The following TLN2 variants were observed in gnomAD, a reference collection of about 807,000 sequenced individuals.
TLN2 encodes talin 2, also known as talin-2.
In TLN2, 118 loss-of-function variants were observed where a neutral mutation model predicts 294.7. That is an observed-to-expected ratio of 0.40 (90% CI 0.34 to 0.47). The LOEUF (loss-of-function observed/expected upper bound fraction) is 0.47. Ranked by LOEUF, TLN2 falls within the 20% of genes least tolerant of loss-of-function variation. The probability of loss-of-function intolerance (pLI) is 0.84; values close to 1 mark genes in which losing one functional copy is unlikely to be tolerated. For synonymous variants in TLN2, 1,431 were observed against 1,304.5 expected, an observed-to-expected ratio of 1.10 and a Z score of -2.09; for missense variants, 3,083 against 3,282.2, an observed-to-expected ratio of 0.94 and a Z score of 1.48.
At chr15:62,437,794 T>C (rs572227160) in intron 1 of TLN2, among the ~76,000 whole-genome samples, 60 of 152,086 alleles carry the variant, frequency 3.9e-4, no homozygotes, top group Non-Finnish European at 7.2e-4. Context: ...TGTCTGCCAA[T>C]TGGTGCAGTG....
At chr15:62,711,550 G>A (rs944852810) in intron 21 of TLN2, among the ~76,000 whole-genome samples, 9 of 152,230 alleles carry the variant, frequency 5.9e-5, no homozygotes, top group Non-Finnish European at 1.5e-5. Flanking sequence ...TTTTGTGTAA[G>A]TGGTTTTCAA....
intron 41 of TLN2, among the ~76,000 whole-genome samples, chr15:62,767,348 G>GT (rs71431453): frequency 0.099 from 12,080 of 121,534 alleles, 633 homozygotes; most frequent in Non-Finnish European, 0.14. Context: ...TCTTTTCTTT[G>GT]TTTTTTTTTT....
At chr15:62,644,132 A>C (rs1351212143) in intron 3 of TLN2, among the ~76,000 whole-genome samples, 23 of 151,210 alleles carry the variant, frequency 1.5e-4, no homozygotes, top group Admixed American at 1.4e-3. Flanking sequence ...TGAACCTGCT[A>C]CTCCAGGCTC....
Position 62,761,774 on chromosome 15 carries a change from G to A in TLN2, c.4732G>A (p.Ala1578Thr), listed in dbSNP as rs775085331. ...IEAVENLTAF[A>T]SNPEFVSIPA... Reference sequence around the variant, plus strand: ...AGCTGTGGAGAACCTGACAGCGTTCGCCTCAAACCCTGAGTTTGTCAGCAT... The same window carrying A: ...AGCTGTGGAGAACCTGACAGCGTTCACCTCAAACCCTGAGTTTGTCAGCAT... The change falls in exon 38 of 59, where the codon GCC becomes ACC. Residue 1578 changes from alanine to threonine, a missense_variant. Coordinates refer to ENST00000636159, the MANE Select transcript of TLN2 (RefSeq NM_015059.3). The A allele has an allele frequency of 1.1e-5, 18 of 1,614,106 alleles. No individual in the cohort carries two copies. The highest frequency in any genetic ancestry group is 2.2e-5 in the East Asian group (1 of 44,874).
At chr15:62,395,600 A>G (rs1328587047) in intron 1 of TLN2, among the ~76,000 whole-genome samples, 2 of 152,168 alleles carry the variant, frequency 1.3e-5, no homozygotes, top group East Asian at 3.9e-4. Context: ...CTTGTTTTAC[A>G]TTAGGAAAAA....
At chr15:62,430,710 C>T (rs977912610) in intron 1 of TLN2, among the ~76,000 whole-genome samples, 25 of 152,002 alleles carry the variant, frequency 1.6e-4, no homozygotes, top group African/African-American at 5.6e-4. Flanking sequence ...AACCCCATGT[C>T]GATCATGAGT....
chr15:62,461,353 G>C (rs981575711), intron 1 of TLN2, among the ~76,000 whole-genome samples: 15 of 152,140 alleles, frequency 9.9e-5, no homozygotes, highest in African/African-American at 3.6e-4. Flanking sequence ...CTTCGTGTGA[G>C]TTGTGGGTCT....
chr15:62,489,876 C>T (rs895069042), intron 1 of TLN2, among the ~76,000 whole-genome samples: 1 of 152,212 alleles, frequency 6.6e-6, no homozygotes, highest in Non-Finnish European at 1.5e-5. Flanking sequence ...ATGTGAGTAC[C>T]CCATGTTGGA....
At chr15:62,409,790 A>C (rs910537195) in intron 1 of TLN2, among the ~76,000 whole-genome samples, 1 of 152,180 alleles carries the variant, frequency 6.6e-6, no homozygotes, top group African/African-American at 2.4e-5. Context: ...ATACTTTATT[A>C]ATAGAAGAGA....
intron 50 of TLN2, among the ~76,000 whole-genome samples, chr15:62,803,482 G>A (rs1054721202): frequency 2.6e-5 from 4 of 151,940 alleles, no homozygotes; most frequent in Admixed American, 6.6e-5. Flanking sequence ...AGATCCTGTA[G>A]GCATGCTTCA....
intron 32 of TLN2, among the ~76,000 whole-genome samples, chr15:62,746,644 A>C (rs1170281795): frequency 1.3e-5 from 2 of 152,230 alleles, no homozygotes; most frequent in East Asian, 3.8e-4. Flanking sequence ...TGCAAAGCCA[A>C]TTTAACTAAT....
At chr15:62,773,689 T>TA (rs2063501919) in intron 42 of TLN2, among the ~76,000 whole-genome samples, 1 of 152,178 alleles carries the variant, frequency 6.6e-6, no homozygotes, top group East Asian at 1.9e-4. Flanking sequence ...GTAGCTTTGA[T>TA]ACGGTGAAAA....
chr15:62,442,700 C>T (rs942411728), intron 1 of TLN2, among the ~76,000 whole-genome samples: 1 of 151,768 alleles, frequency 6.6e-6, no homozygotes, highest in Non-Finnish European at 1.5e-5. Context: ...ATTTTAATAC[C>T]CAACCTTCAA....
chr15:62,556,346 A>T (rs768717522), intron 1 of TLN2, among the ~76,000 whole-genome samples: 1 of 149,794 alleles, frequency 6.7e-6, no homozygotes, highest in Non-Finnish European at 1.5e-5. Flanking sequence ...TCACTTTGTC[A>T]TCCAGGCTGG....
At chr15:62,814,583 T>C (rs564852303) in intron 52 of TLN2, among the ~76,000 whole-genome samples, 1 of 152,380 alleles carries the variant, frequency 6.6e-6, no homozygotes, top group South Asian at 2.1e-4. Flanking sequence ...TGTATTCATT[T>C]ATTTGTTCAT....
rs958271071 is a variant in TLN2, at chr15:62,475,280, C to G, written c.-238+84595C>G. Among the ~76,000 whole-genome samples, 9 of 152,190 alleles carry G rather than the reference C, an allele frequency of 5.9e-5. No individual in the cohort carries two copies. The South Asian group carries it at 1.0e-3, about 18-fold the overall frequency. On this transcript the variant is annotated intron_variant, in intron 1 of 58. Transcript: ENST00000636159. ...CCGACTTAATGGGGACATTAATTTT[C>G]AGTTCTGTTCCAAAAGTGTAACAGA...
rs114698786 is a variant in TLN2 at position 62,715,681 on chromosome 15, C to G, written c.2635-650C>G. On this transcript the variant is annotated intron_variant, in intron 22 of 58. Transcript: ENST00000636159. ...GCATATTGCCTTCCTCTTTTTCTGT[C>G]AGGTGGACGGCATTACATTTCTCTC... is the stretch of plus-strand genomic sequence containing the variant. 2.7e-3 allele frequency among the ~76,000 whole-genome samples: 418 copies of G among 152,294 alleles called. 2 individuals are homozygous for G. The highest frequency in any genetic ancestry group is 9.7e-3 in the African/African-American group (404 of 41,568).
intron 36 of TLN2, 57 bp from the exon 37 acceptor site, chr15:62,755,475 G>T (rs1348055592): frequency 1.8e-5 from 28 of 1,576,316 alleles, no homozygotes; most frequent in Admixed American, 1.4e-4. Context: ...GAGGACCGGG[G>T]TGGACCCCTC....
chr15:62,558,122 C>T (rs915678702), intron 1 of TLN2, among the ~76,000 whole-genome samples: 3 of 152,168 alleles, frequency 2.0e-5, no homozygotes, highest in Non-Finnish European at 2.9e-5. Flanking sequence ...CATTGTAATT[C>T]GTTTTACTAA....
Sources: gnomAD v4.1 joint callset for allele counts (sites outside exome capture counted in the v4.1 genomes callset) on GRCh38, gnomAD v4.1.1 for gene constraint, MANE v1.5 for transcripts, NCBI Gene and HGNC (gene_info 2026-07-23, HGNC 2026-07-21) for gene names.